C1QTNF7: variants seen among roughly 807,000 people sequenced by gnomAD.
C1QTNF7 encodes the protein C1q and TNF related 7.
In C1QTNF7, 15 loss-of-function variants were observed where a neutral mutation model predicts 19.6. The observed-to-expected ratio is 0.76, with a 90% confidence interval of 0.51 to 1.18. The LOEUF is 1.18. C1QTNF7 is among the 50% of genes most tolerant of loss of function. The pLI, the probability that C1QTNF7 is intolerant of heterozygous loss-of-function variation, is 0.00. For missense variants in C1QTNF7, 324 were observed against 359.7 expected (o/e 0.90, Z 0.80); for synonymous variants, 142 against 137.5 (o/e 1.03, Z -0.23).
At chr4:15,367,052 T>A (rs1159369413) in intron 1 of C1QTNF7, among the ~76,000 whole-genome samples, 1 of 152,196 alleles carries the variant, frequency 6.6e-6, no homozygotes, top group East Asian at 1.9e-4. Context: ...TTGCTGAGAT[T>A]TGGAACTTCT....
intron 1 of C1QTNF7, among the ~76,000 whole-genome samples, chr4:15,403,570 C>A (rs184558095): frequency 0.01 from 1,570 of 152,284 alleles, 122 homozygotes; most frequent in Admixed American, 0.095. Context: ...TTTTCTGTCT[C>A]TTTTCCCCTT....
chr4:15,381,928 T>G (rs1273124249), intron 1 of C1QTNF7: 1 of 152,194 alleles, frequency 6.6e-6, no homozygotes, highest in Admixed American at 6.5e-5. Flanking sequence ...TTCATCACAT[T>G]ATCTTAGCAA....
Position 15,435,991 on chromosome 4 carries a change from G to A in C1QTNF7, c.238+10G>A, listed in dbSNP as rs766040095. On this transcript the variant is annotated intron_variant, in intron 2 of 2. Transcript: ENST00000444304. ...GAAAAGGGAACTGCAGGTAATGAAT[G>A]AGAAGTTGCATAAAACACCCTCCTT... 6 of 1,609,028 alleles carry A rather than the reference G, an allele frequency of 3.7e-6. No individual in the cohort carries two copies. The highest frequency in any genetic ancestry group is 1.7e-5 in the Admixed American group (1 of 59,120).
At chr4:15,384,316 T>C (rs1246788186) in intron 1 of C1QTNF7, among the ~76,000 whole-genome samples, 2 of 152,194 alleles carry the variant, frequency 1.3e-5, no homozygotes, top group Non-Finnish European at 2.9e-5. Context: ...ATTGAAATGA[T>C]AGCAATTGTT....
At chr4:15,394,414 G>T (rs1478417372) in intron 1 of C1QTNF7, among the ~76,000 whole-genome samples, 1 of 152,234 alleles carries the variant, frequency 6.6e-6, no homozygotes, top group East Asian at 1.9e-4. Context: ...GCAGAGAAAG[G>T]TATTCACCAC....
intron 2 of C1QTNF7, among the ~76,000 whole-genome samples, chr4:15,438,207 C>G (rs1712613067): frequency 6.6e-6 from 1 of 152,152 alleles, no homozygotes; most frequent in African/African-American, 2.4e-5. Context: ...AACAAAATGA[C>G]TTTCCTAACC....
chr4:15,350,361 A>AGAAGGGAGGGAG (rs1716893705), intron 1 of C1QTNF7, among the ~76,000 whole-genome samples: 1 of 149,588 alleles, frequency 6.7e-6, no homozygotes, highest in African/African-American at 2.5e-5. Flanking sequence ...GGAGGGAGGA[A>AGAAGGGAGGGAG]GGAAAAAAGA....
At chr4:15,374,118 T>A (rs189847526) in intron 1 of C1QTNF7, 2 of 152,272 alleles carry the variant, frequency 1.3e-5, no homozygotes, top group Admixed American at 1.3e-4. Context: ...TGCCTCCACC[T>A]CCCTACAGTG....
intron 1 of C1QTNF7, among the ~76,000 whole-genome samples, chr4:15,375,136 C>T (rs1435278339): frequency 2.6e-5 from 4 of 151,912 alleles, no homozygotes; most frequent in African/African-American, 9.7e-5. Context: ...CTCTGAAAAA[C>T]AGAATTGTCA....
At chr4:15,428,500 A>G (rs565525801) in intron 1 of C1QTNF7, among the ~76,000 whole-genome samples, 1 of 152,094 alleles carries the variant, frequency 6.6e-6, no homozygotes, top group East Asian at 1.9e-4. Flanking sequence ...TTGAGCCTCT[A>G]CTGTAGACTA....
chr4:15,432,643 C>A (rs547020399), intron 1 of C1QTNF7, among the ~76,000 whole-genome samples: 26 of 152,166 alleles, frequency 1.7e-4, no homozygotes, highest in African/African-American at 6.3e-4. Context: ...GATCCTCCAA[C>A]CTTGGCCACC....
intron 1 of C1QTNF7, among the ~76,000 whole-genome samples, chr4:15,411,938 G>A (rs1330703884): frequency 6.6e-6 from 1 of 152,082 alleles, no homozygotes; most frequent in Non-Finnish European, 1.5e-5. Context: ...CACAGCAGGA[G>A]GTGAGTGGCA....
rs894719756 is a variant in C1QTNF7 at position 15,444,852 on chromosome 4, CAGA to C, written c.*2056_*2058del. ...TGGGGACGAAGTGAGAACAGAGACC[CAGA>C]AGGAGAATCAATGGACCATATTTGT... On this transcript the variant is annotated 3_prime_UTR_variant, in exon 3 of 3. Coordinates refer to ENST00000444304, the MANE Select transcript of C1QTNF7 (RefSeq NM_031911.5). The C allele has an allele frequency of 6.6e-6, 1 of 152,100 alleles. No individual in the cohort carries two copies. The highest frequency in any genetic ancestry group is 2.4e-5 in the African/African-American group (1 of 41,400). The allele number at this position is 152,100 out of a possible 1,614,324, so 9.4% of individuals were successfully genotyped here. A position where few individuals can be genotyped will look rare whatever the true frequency, so the allele number is the denominator to read the frequency against.
At chr4:15,346,325 A>T (rs1377486413) in intron 1 of C1QTNF7, among the ~76,000 whole-genome samples, 1 of 152,202 alleles carries the variant, frequency 6.6e-6, no homozygotes, top group Non-Finnish European at 1.5e-5. Context: ...GGTTCTAATT[A>T]ATGAATTATT....
chr4:15,390,048 C>G (rs1286124336), intron 1 of C1QTNF7, among the ~76,000 whole-genome samples: 1 of 152,132 alleles, frequency 6.6e-6, no homozygotes, highest in Non-Finnish European at 1.5e-5. Flanking sequence ...CCTATAATTT[C>G]AGGGAAGGGA....
intron 2 of C1QTNF7, among the ~76,000 whole-genome samples, chr4:15,439,877 A>C (rs1712680754): frequency 6.6e-6 from 1 of 152,018 alleles, no homozygotes; most frequent in East Asian, 1.9e-4. Context: ...TTTTATATAT[A>C]TAACAATGCC....
In C1QTNF7 at chr4:15,402,529, T is replaced by C. The variant is rs563956187; in HGVS notation, c.14-33207T>C. Among the ~76,000 whole-genome samples the C allele has an allele frequency of 2.6e-5, 4 of 152,282 alleles. No homozygotes were observed. The Middle Eastern group carries it at 0.014, about 518-fold the overall frequency. ...ATTTGACAGAAAAGAATATAAATGT[T>C]ATAATTCCAGGCAATCCAAAAATAA... On this transcript the variant is annotated intron_variant, in intron 1 of 2. Transcript: ENST00000295297.
At chr4:15,356,152 C>G (rs978949409) in intron 1 of C1QTNF7, among the ~76,000 whole-genome samples, 3 of 151,900 alleles carry the variant, frequency 2.0e-5, no homozygotes, top group African/African-American at 7.3e-5. Flanking sequence ...ACAGAACATG[C>G]AGGTTTGTTA....
At chr4:15,428,625 A>C (rs1712162249) in intron 1 of C1QTNF7, among the ~76,000 whole-genome samples, 1 of 152,112 alleles carries the variant, frequency 6.6e-6, no homozygotes, top group East Asian at 1.9e-4. Context: ...GAGGAGAAGG[A>C]GGTTAATTCA....
Sources: allele counts gnomAD v4.1 joint callset (sites outside exome capture counted in the v4.1 genomes callset), GRCh38; gene constraint gnomAD v4.1.1; transcripts MANE v1.5; gene names NCBI Gene and HGNC (gene_info 2026-07-23, HGNC 2026-07-21).